ST18: variants seen among roughly 807,000 people sequenced by gnomAD.
ST18 encodes the protein suppression of tumorigenicity 18 protein.
Under a neutral mutation model 110.0 loss-of-function variants are expected in ST18, and 50 were observed. The observed-to-expected ratio is 0.45, with a 90% confidence interval of 0.36 to 0.58. The LOEUF (loss-of-function observed/expected upper bound fraction) is 0.58. ST18 is among the 20% of genes least tolerant of loss of function. The pLI is 0.00. For synonymous variants in ST18, 461 were observed against 452.4 expected (o/e 1.02, Z -0.24); for missense variants, 1,306 against 1,280.1 (o/e 1.02, Z -0.31).
At chr8:52,156,517 A>G (rs2060055351) in intron 15 of ST18, among the ~76,000 whole-genome samples, 1 of 152,200 alleles carries the variant, frequency 6.6e-6, no homozygotes, top group Non-Finnish European at 1.5e-5. Flanking sequence ...GCTTAATCCT[A>G]CATTAAGTAA....
intron 2 of ST18, among the ~76,000 whole-genome samples, chr8:52,278,073 A>G (rs1488109745): frequency 6.6e-6 from 1 of 152,206 alleles, no homozygotes; most frequent in Non-Finnish European, 1.5e-5. Flanking sequence ...CCTAGCTGAT[A>G]ATAACAATAC....
At chr8:52,232,209 C>T (rs540061259) in intron 2 of ST18, among the ~76,000 whole-genome samples, 2 of 152,072 alleles carry the variant, frequency 1.3e-5, no homozygotes, top group African/African-American at 2.4e-5. Context: ...ATGTTCTGGC[C>T]CCTCATTGAA....
chr8:52,169,760 G>A (rs1482287598), intron 10 of ST18, among the ~76,000 whole-genome samples: 2 of 152,154 alleles, frequency 1.3e-5, no homozygotes, highest in Non-Finnish European at 2.9e-5. Context: ...TAAGCCTGTG[G>A]CTCTTCTTCA....
In ST18 at chr8:52,217,504, G is replaced by A. The variant is rs181956870; in HGVS notation, c.-1+242C>T. Among the ~76,000 whole-genome samples the A allele has an allele frequency of 2.5e-3, 387 of 152,154 alleles. 1 individual carries two copies. The highest frequency in any genetic ancestry group is 0.014 in the Middle Eastern group (4 of 294). On this transcript the variant is annotated intron_variant, in intron 6 of 25. Transcript: ENST00000689386. Reference sequence around the variant, plus strand: ...TTAATAATGCCATGAAAAAAACTTCGAAAAGGGCTTAATGTCCCAGTTTTC... The same window carrying A: ...TTAATAATGCCATGAAAAAAACTTCAAAAAGGGCTTAATGTCCCAGTTTTC...
chr8:52,230,416 A>G (rs560214017), intron 2 of ST18, among the ~76,000 whole-genome samples: 1 of 152,206 alleles, frequency 6.6e-6, no homozygotes, highest in Admixed American at 6.5e-5. Flanking sequence ...TTCTGAAGAA[A>G]AAAAAAAAAA....
intron 3 of ST18, among the ~76,000 whole-genome samples, chr8:52,228,094 A>C (rs1332096428): frequency 6.6e-6 from 1 of 152,232 alleles, no homozygotes; most frequent in Admixed American, 6.5e-5. Flanking sequence ...TTGCTATGCC[A>C]GTTAAGGAGA....
intron 2 of ST18, among the ~76,000 whole-genome samples, chr8:52,303,567 G>C (rs1317607990): frequency 6.6e-6 from 1 of 152,220 alleles, no homozygotes; most frequent in Non-Finnish European, 1.5e-5. Context: ...AGAGATCACA[G>C]TGGACATAAG....
rs754863569 is a variant in ST18, at chr8:52,132,033, T to C, written c.2591A>G (p.Gln864Arg). The C allele has an allele frequency of 1.2e-5, 19 of 1,614,136 alleles. No individual in the cohort carries two copies. The Admixed American group carries it at 2.3e-4, about 20-fold the overall frequency. ...GASLSWKLNK[Q>R]ELPHCPLPGC... ...TGGCAAGGGACAATGTGGTAGCTCT[T>C]GTTTGTTCAGTTTCCAGGAGAGGGA... Residue 864 changes from glutamine (Q) to arginine (R), a missense_variant, in exon 22 of 26, where the codon CAA (glutamine) becomes CGA (arginine). Coordinates refer to ENST00000689386, the MANE Select transcript of ST18 (RefSeq NM_001352837.2).
chr8:52,305,043 A>C (rs2095791321), intron 2 of ST18, among the ~76,000 whole-genome samples: 1 of 152,230 alleles, frequency 6.6e-6, no homozygotes, highest in South Asian at 2.1e-4. Flanking sequence ...AAATGTAGGA[A>C]GTACATTGTG....
chr8:52,346,370 C>T (rs906824552), intron 2 of ST18, among the ~76,000 whole-genome samples: 8 of 151,812 alleles, frequency 5.3e-5, no homozygotes, highest in African/African-American at 9.7e-5. Flanking sequence ...AAAGATGAGA[C>T]CAGTCCAAAA....
At chr8:52,310,555 G>GA (rs773674606) in intron 2 of ST18, among the ~76,000 whole-genome samples, 1 of 152,078 alleles carries the variant, frequency 6.6e-6, no homozygotes, top group African/African-American at 2.4e-5. Context: ...CGTTTTGAAA[G>GA]AAAAAATGCT....
chr8:52,336,862 G>T (rs1340803415), intron 2 of ST18, among the ~76,000 whole-genome samples: 1 of 152,194 alleles, frequency 6.6e-6, no homozygotes, highest in Non-Finnish European at 1.5e-5. Context: ...CGCAGGTGGG[G>T]GTTGTAAGCC....
At chr8:52,298,272 G>A (rs941379009) in intron 2 of ST18, among the ~76,000 whole-genome samples, 1 of 152,210 alleles carries the variant, frequency 6.6e-6, no homozygotes, top group African/African-American at 2.4e-5. Context: ...TGCGCAGGAA[G>A]AGGAACTGGG....
intron 2 of ST18, among the ~76,000 whole-genome samples, chr8:52,235,525 C>T (rs1564229900): frequency 6.6e-6 from 1 of 152,182 alleles, no homozygotes; most frequent in Non-Finnish European, 1.5e-5. Flanking sequence ...GATGATGCCC[C>T]TGACCCTGTG....
intron 2 of ST18, among the ~76,000 whole-genome samples, chr8:52,248,992 C>T (rs2094075979): frequency 6.6e-6 from 1 of 152,088 alleles, no homozygotes; most frequent in African/African-American, 2.4e-5. Context: ...CTTTCAGAAG[C>T]AGTAAGACTA....
intron 2 of ST18, among the ~76,000 whole-genome samples, chr8:52,234,516 G>T (rs1186747101): frequency 6.6e-6 from 1 of 151,862 alleles, no homozygotes; most frequent in Non-Finnish European, 1.5e-5. Flanking sequence ...ATCCGCCTTG[G>T]CCTCCCAAAG....
intron 8 of ST18, among the ~76,000 whole-genome samples, chr8:52,195,627 G>A (rs953683657): frequency 6.6e-6 from 1 of 152,072 alleles, no homozygotes; most frequent in Non-Finnish European, 1.5e-5. Flanking sequence ...CATCTTAATT[G>A]ATCTTGGATA....
chr8:52,293,921 A>T (rs2095593923), intron 2 of ST18, among the ~76,000 whole-genome samples: 2 of 152,200 alleles, frequency 1.3e-5, no homozygotes, highest in Non-Finnish European at 2.9e-5. Context: ...GTGGAGAAAG[A>T]TGATTTCATT....
chr8:52,334,926 T>C (rs1039229648), intron 2 of ST18, among the ~76,000 whole-genome samples: 22 of 152,144 alleles, frequency 1.4e-4, no homozygotes, highest in African/African-American at 5.3e-4. Context: ...GTCACCACCG[T>C]CCCTTTTCTT....
Sources: gnomAD v4.1 joint callset for allele counts (sites outside exome capture counted in the v4.1 genomes callset) on GRCh38, gnomAD v4.1.1 for gene constraint, MANE v1.5 for transcripts, NCBI Gene and HGNC (gene_info 2026-07-23, HGNC 2026-07-21) for gene names.